MTHFD1L: variants seen among roughly 807,000 people sequenced by gnomAD.
MTHFD1L encodes methylenetetrahydrofolate dehydrogenase (NADP+ dependent) 1 like.
Under a neutral mutation model 119.5 loss-of-function variants are expected in MTHFD1L, and 81 were observed. The observed-to-expected ratio is 0.68, with a 90% CI of 0.57 to 0.82. MTHFD1L has a LOEUF of 0.82. Among genes scored for constraint, MTHFD1L ranks in the 40% least tolerant of loss-of-function variants. The pLI, the probability that MTHFD1L is intolerant of heterozygous loss-of-function variation, is 0.00. For synonymous variants in MTHFD1L, 430 were observed against 475.2 expected, an observed-to-expected ratio of 0.90 and a Z score of 1.24; for missense variants, 1,125 against 1,253.4, an observed-to-expected ratio of 0.90 and a Z score of 1.55.
chr6:150,994,061 CAGTAA>C (rs1779398588), intron 20 of MTHFD1L, among the ~76,000 whole-genome samples: 2 of 36,166 alleles, frequency 5.5e-5, no homozygotes, highest in South Asian at 6.7e-4. Flanking sequence ...ATAACAACAA[CAGTAA>C]AAAAAAAAAA....
intron 26 of MTHFD1L, among the ~76,000 whole-genome samples, chr6:151,072,986 G>A (rs1467131059): frequency 1.5e-5 from 2 of 136,346 alleles, no homozygotes; most frequent in Non-Finnish European, 3.2e-5. Context: ...TTGGACACCA[G>A]GCAGCAAAAA....
chr6:150,872,972 A>G (rs942022196), intron 1 of MTHFD1L, among the ~76,000 whole-genome samples: 2 of 151,846 alleles, frequency 1.3e-5, no homozygotes, highest in Non-Finnish European at 2.9e-5. Context: ...CCCATCCCCA[A>G]CTATTTTAAA....
chr6:150,965,585 C>T (rs944785031), intron 19 of MTHFD1L, among the ~76,000 whole-genome samples: 2 of 151,406 alleles, frequency 1.3e-5, no homozygotes, highest in Admixed American at 6.6e-5. Context: ...CGCTTGAACC[C>T]GGGAGGCAGA....
At chr6:150,945,605 C>A in intron 15 of MTHFD1L, 64 bp downstream of exon 15, 1 of 1,498,360 alleles carries the variant, frequency 6.7e-7, no homozygotes, top group South Asian at 1.2e-5. Flanking sequence ...GAAAGATTGT[C>A]AAAGCCTGAA....
chr6:150,903,413 CT>C (rs1182877595), intron 7 of MTHFD1L, among the ~76,000 whole-genome samples: 1 of 151,034 alleles, frequency 6.6e-6, no homozygotes, highest in Non-Finnish European at 1.5e-5. Context: ...ATGTGTTTTG[CT>C]TTTGATTTTG....
chr6:150,935,223 G>T (rs1185956179), intron 11 of MTHFD1L: 1 of 1,611,794 alleles, frequency 6.2e-7, no homozygotes, highest in African/African-American at 1.3e-5. Context: ...AGGCCACTGT[G>T]GAAGTCATAT....
At chr6:151,091,061 G>A (rs1389367989) in intron 26 of MTHFD1L, among the ~76,000 whole-genome samples, 3 of 143,578 alleles carry the variant, frequency 2.1e-5, no homozygotes, top group African/African-American at 2.8e-5. Context: ...GCGACTGGGT[G>A]CAGCATCGTT....
At chr6:151,057,509 G>C (rs1205015751) in intron 26 of MTHFD1L, 2 of 212,482 alleles carry the variant, frequency 9.4e-6, no homozygotes, top group Non-Finnish European at 8.1e-6. Flanking sequence ...GTGTGCACCT[G>C]TAGTCCCAGC....
intron 6 of MTHFD1L, among the ~76,000 whole-genome samples, chr6:150,887,164 A>T (rs187472400): frequency 1.3e-5 from 2 of 152,342 alleles, no homozygotes; most frequent in African/African-American, 4.8e-5. Context: ...CATTCAGGAT[A>T]TATATGCTTT....
chr6:150,884,743 G>A (rs1010970836), intron 5 of MTHFD1L, among the ~76,000 whole-genome samples: 15 of 152,222 alleles, frequency 9.9e-5, no homozygotes, highest in African/African-American at 2.9e-4. Context: ...CTAGATAGCT[G>A]TGGAATGTTT....
At chr6:150,950,613 G>T (rs1794705805) in intron 16 of MTHFD1L, among the ~76,000 whole-genome samples, 1 of 152,158 alleles carries the variant, frequency 6.6e-6, no homozygotes, top group Non-Finnish European at 1.5e-5. Context: ...CAAAAGCTCT[G>T]CCCACACGAT....
At chr6:151,092,405 A>T in intron 26 of MTHFD1L, 62 bp from the exon 27 acceptor site, 2 of 1,283,156 alleles carry the variant, frequency 1.6e-6, no homozygotes, top group Non-Finnish European at 2.3e-6. Context: ...AATTTGCATC[A>T]TCAGATGTTG....
intron 27 of MTHFD1L, among the ~76,000 whole-genome samples, chr6:151,097,327 G>T (rs190927301): frequency 1.6e-4 from 24 of 152,290 alleles, no homozygotes; most frequent in Non-Finnish European, 2.2e-4. Flanking sequence ...GTTCAGGAAA[G>T]AAATTAGTTT....
At chr6:150,923,447 T>C (rs575688519) in intron 10 of MTHFD1L, among the ~76,000 whole-genome samples, 2 of 151,796 alleles carry the variant, frequency 1.3e-5, no homozygotes, top group South Asian at 4.2e-4. Context: ...CCAGGTAATC[T>C]CATCCAGCAA....
At chr6:151,046,900 G>C (rs1246948112) in intron 26 of MTHFD1L, among the ~76,000 whole-genome samples, 1 of 152,070 alleles carries the variant, frequency 6.6e-6, no homozygotes, top group Non-Finnish European at 1.5e-5. Flanking sequence ...TTAAGAAAAG[G>C]GTCAAGCTTT....
At chr6:150,896,357 C>T (rs1235976218) in intron 7 of MTHFD1L, among the ~76,000 whole-genome samples, 6 of 152,190 alleles carry the variant, frequency 3.9e-5, no homozygotes, top group African/African-American at 1.4e-4. Flanking sequence ...TCATCATCAG[C>T]TCTCCAGGCT....
At chr6:150,971,500 A>G (rs1293518784) in intron 19 of MTHFD1L, among the ~76,000 whole-genome samples, 2 of 152,208 alleles carry the variant, frequency 1.3e-5, no homozygotes, top group African/African-American at 2.4e-5. Flanking sequence ...TGCCCAGCCA[A>G]TTGTAATGAT....
chr6:150,972,143 T>A, intron 20 of MTHFD1L, 85 bp downstream of exon 20: 1 of 1,165,366 alleles, frequency 8.6e-7, no homozygotes, highest in Non-Finnish European at 1.3e-6. Context: ...ATATCCATCC[T>A]GACATGAAAC....
chr6:150,947,460 G>T (rs537085546), intron 15 of MTHFD1L, among the ~76,000 whole-genome samples: 1 of 151,818 alleles, frequency 6.6e-6, no homozygotes, highest in African/African-American at 2.4e-5. Context: ...GGCTTGGTGT[G>T]GTGGCTCACC....
Sources: gnomAD v4.1 joint callset for allele counts (sites outside exome capture counted in the v4.1 genomes callset) on GRCh38, gnomAD v4.1.1 for gene constraint, MANE v1.5 for transcripts, NCBI Gene and HGNC (gene_info 2026-07-23, HGNC 2026-07-21) for gene names.